PRPSAP1: variants seen among roughly 807,000 people sequenced by gnomAD.
PRPSAP1 encodes phosphoribosyl pyrophosphate synthase-associated protein 1.
Under a neutral mutation model 39.4 loss-of-function variants are expected in PRPSAP1, and 31 were observed. The ratio of observed to expected loss-of-function variants is 0.79; its 90% CI spans 0.59 to 1.06. PRPSAP1 has a LOEUF of 1.06. Ranked by LOEUF, PRPSAP1 falls within the 50% of genes least tolerant of loss-of-function variation. PRPSAP1 has a pLI of 0.00. For missense variants in PRPSAP1, 430 were observed against 511.6 expected (o/e 0.84, Z 1.54); for synonymous variants, 212 against 192.6 (o/e 1.10, Z -0.83).
chr17:76,339,409 AAAC>A (rs1330260028), intron 3 of PRPSAP1, among the ~76,000 whole-genome samples: 1 of 151,818 alleles, frequency 6.6e-6, no homozygotes, highest in Non-Finnish European at 1.5e-5. Flanking sequence ...CGTCTCAAAA[AAAC>A]AACAAAAAGA....
chr17:76,345,787 G>A (rs553062084), intron 2 of PRPSAP1: 26 of 312,856 alleles, frequency 8.3e-5, no homozygotes, highest in East Asian at 3.9e-4. Flanking sequence ...TCCGTGCACC[G>A]CCACTGCATC....
chr17:76,317,427 G>A (rs1349808606), intron 7 of PRPSAP1, among the ~76,000 whole-genome samples: 1 of 152,196 alleles, frequency 6.6e-6, no homozygotes, highest in Non-Finnish European at 1.5e-5. Flanking sequence ...GGGAGGCTGA[G>A]GCAGGAGAAT....
chr17:76,317,484 C>T (rs1488173771), intron 7 of PRPSAP1, among the ~76,000 whole-genome samples: 2 of 152,164 alleles, frequency 1.3e-5, no homozygotes, highest in Non-Finnish European at 2.9e-5. Context: ...AGATCGCCCA[C>T]TGCACTCTAG....
chr17:76,348,049 C>T (rs1023450647), intron 2 of PRPSAP1, among the ~76,000 whole-genome samples: 4 of 152,020 alleles, frequency 2.6e-5, no homozygotes, highest in African/African-American at 4.8e-5. Flanking sequence ...AAGCCGAGTG[C>T]GGTGGCTCAC....
intron 9 of PRPSAP1, 33 bp downstream of exon 9, chr17:76,312,837 A>G: frequency 6.3e-7 from 1 of 1,587,402 alleles, no homozygotes; most frequent in Non-Finnish European, 8.5e-7. Context: ...ACACAGCAGT[A>G]AATCTTGGCT....
At position 76,310,168 on chromosome 17, in the gene PRPSAP1, T is replaced by C. The variant is rs947610614; in HGVS notation, c.*1374A>G. The C allele has an allele frequency of 1.3e-5, 2 of 149,140 alleles. No homozygotes were observed. The allele number at this position is 149,140 out of a possible 1,614,324, so 9.2% of individuals were successfully genotyped here. A position where few individuals can be genotyped will look rare whatever the true frequency, so the allele number is the denominator to read the frequency against. On this transcript the variant is annotated 3_prime_UTR_variant, in exon 10 of 10. Coordinates refer to ENST00000446526, the MANE Select transcript of PRPSAP1 (RefSeq NM_002766.3). ...CCTCCCCCAACACCCGGCTAATTTTTGTATTTTTAGTAGGGACAGGGTTTC... is the reference window on the plus strand; with the variant it reads ...CCTCCCCCAACACCCGGCTAATTTTCGTATTTTTAGTAGGGACAGGGTTTC...
At chr17:76,329,691 G>A (rs1470846918) in intron 6 of PRPSAP1, among the ~76,000 whole-genome samples, 2 of 151,386 alleles carry the variant, frequency 1.3e-5, no homozygotes, top group African/African-American at 2.4e-5. Flanking sequence ...AGCCGAGATC[G>A]CGCCATTGCA....
At chr17:76,353,967 C>T (rs2071615288), upstream of PRPSAP1, 2 of 1,294,920 alleles carry the variant, frequency 1.5e-6, no homozygotes, top group Non-Finnish European at 2.0e-6. Flanking sequence ...AGAGCGCCCT[C>T]AGGCCGCCAT....
chr17:76,334,710 T>C (rs1325028417), intron 3 of PRPSAP1, among the ~76,000 whole-genome samples: 1 of 152,224 alleles, frequency 6.6e-6, no homozygotes. Flanking sequence ...ACATTCCTTT[T>C]AGACTGCTAA....
At position 76,342,524 on chromosome 17, in the gene PRPSAP1, T is replaced by C. The variant is rs555019406; in HGVS notation, c.290+2147A>G. On this transcript the variant is annotated intron_variant, in intron 3 of 9. Coordinates refer to ENST00000446526, the MANE Select transcript of PRPSAP1 (RefSeq NM_002766.3). ...TTAGTCCAGGAGTTCAAGACCAGCC[T>C]GGGCAACATGGCAAAACCTCATCTC... Among the ~76,000 whole-genome samples, 33 of 151,986 alleles carry C rather than the reference T, an allele frequency of 2.2e-4. No individual in the cohort carries two copies. The South Asian group carries it at 6.7e-3, about 31-fold the overall frequency.
chr17:76,330,281 C>T (rs567834729), intron 5 of PRPSAP1, 183 bp from the exon 6 acceptor site: 37 of 593,726 alleles, frequency 6.2e-5, no homozygotes, highest in Admixed American at 2.3e-4. Context: ...AGCACTCCTA[C>T]GTCAAGAATT....
At chr17:76,348,476 A>G in intron 2 of PRPSAP1, 53 bp downstream of exon 2, 1 of 1,216,196 alleles carries the variant, frequency 8.2e-7, no homozygotes, top group Non-Finnish European at 1.1e-6. Context: ...CTGTCTCAAA[A>G]AAACTAAATA....
At chr17:76,320,265 AAAAGAAAG>A (rs1216954765) in intron 7 of PRPSAP1, among the ~76,000 whole-genome samples, 9 of 75,176 alleles carry the variant, frequency 1.2e-4, no homozygotes, top group South Asian at 8.7e-4. Flanking sequence ...AGAAAGAAAG[AAAAGAAAG>A]AAAGAAAGAA....
rs765220128 is a variant in PRPSAP1, at chr17:76,353,599, G to A, written c.105C>T (p.Thr35=). The part of the protein sequence containing the change: ...VPPPAMNAAR[T]GYRVFSANST... ...AGTTGGCCGAGAAGACTCGGTAGCC[G>A]GTGCGAGCGGCGTTCATGGCCGGCG... Residue 35 remains threonine (T), a synonymous_variant, in exon 1 of 10, where the codon ACC becomes ACT. Transcript: ENST00000446526. The A allele has an allele frequency of 3.2e-6, 5 of 1,559,132 alleles. No individual in the cohort carries two copies. The highest frequency in any genetic ancestry group is 1.8e-5 in the Admixed American group (1 of 54,302).
intron 1 of PRPSAP1, among the ~76,000 whole-genome samples, chr17:76,350,671 G>C (rs2071558548): frequency 6.6e-6 from 1 of 152,176 alleles, no homozygotes; most frequent in Admixed American, 6.6e-5. Flanking sequence ...TTCTGGAAAT[G>C]AATAGTGGTG....
At chr17:76,341,894 G>C (rs2071443448) in intron 3 of PRPSAP1, among the ~76,000 whole-genome samples, 1 of 152,130 alleles carries the variant, frequency 6.6e-6, no homozygotes, top group Admixed American at 6.5e-5. Flanking sequence ...AGCCAAGATT[G>C]CGCCACTGCA....
chr17:76,325,708 C>T (rs2071249252), intron 7 of PRPSAP1, among the ~76,000 whole-genome samples: 1 of 150,946 alleles, frequency 6.6e-6, no homozygotes, highest in Non-Finnish European at 1.5e-5. Flanking sequence ...TGCCTCCATG[C>T]CATTCTCCTG....
At chr17:76,346,492 G>A (rs555550008) in intron 2 of PRPSAP1, among the ~76,000 whole-genome samples, 15 of 152,270 alleles carry the variant, frequency 9.9e-5, no homozygotes, top group African/African-American at 3.6e-4. Context: ...GACATCTGTT[G>A]GCACCTGACC....
intron 9 of PRPSAP1, among the ~76,000 whole-genome samples, 192 bp from the exon 10 acceptor site, chr17:76,311,892 GAACACAA>G (rs2071074263): frequency 6.6e-6 from 1 of 152,070 alleles, no homozygotes; most frequent in African/African-American, 2.4e-5. Context: ...CATGGCCTCA[GAACACAA>G]GACAAAAATC....
Sources: gnomAD v4.1 joint callset for allele counts (sites outside exome capture counted in the v4.1 genomes callset) on GRCh38, gnomAD v4.1.1 for gene constraint, MANE v1.5 for transcripts, NCBI Gene and HGNC (gene_info 2026-07-23, HGNC 2026-07-21) for gene names.